Variants in ARHGEF7 observed in about 807,000 individuals in gnomAD.
ARHGEF7 encodes Rho guanine nucleotide exchange factor 7.
Under a neutral mutation model 109.8 loss-of-function variants are expected in ARHGEF7, and 33 were observed. The observed-to-expected ratio is 0.30, with a 90% CI of 0.23 to 0.40. ARHGEF7 has a LOEUF of 0.40. ARHGEF7 is among the 10% of genes least tolerant of loss of function. The probability of loss-of-function intolerance (pLI) is 1.00; values close to 1 mark genes in which losing one functional copy is unlikely to be tolerated. For synonymous variants in ARHGEF7, 458 were observed against 424.6 expected, an observed-to-expected ratio of 1.08 and a Z score of -0.97; for missense variants, 938 against 1,098.5, an observed-to-expected ratio of 0.85 and a Z score of 2.07.
At chr13:111,170,459 A>G (rs2077498476) in intron 2 of ARHGEF7, among the ~76,000 whole-genome samples, 2 of 152,056 alleles carry the variant, frequency 1.3e-5, no homozygotes, top group African/African-American at 2.4e-5. Context: ...TCTGTTGACC[A>G]TTTTCTTCCT....
intron 2 of ARHGEF7, among the ~76,000 whole-genome samples, chr13:111,165,663 T>C (rs1159993951): frequency 6.6e-6 from 1 of 152,212 alleles, no homozygotes; most frequent in Non-Finnish European, 1.5e-5. Context: ...CGACTCAGTA[T>C]AGCCAGGGTA....
chr13:111,190,458 C>T (rs999337998), intron 2 of ARHGEF7, among the ~76,000 whole-genome samples: 35 of 152,136 alleles, frequency 2.3e-4, no homozygotes, highest in African/African-American at 7.7e-4. Context: ...GTCTAGGCCT[C>T]GGTGGTTTTG....
At chr13:111,229,606 A>C (rs1223414222) in intron 5 of ARHGEF7, among the ~76,000 whole-genome samples, 1 of 152,140 alleles carries the variant, frequency 6.6e-6, no homozygotes, top group Admixed American at 6.5e-5. Context: ...TTTATATGCC[A>C]CATCCACTCA....
At chr13:111,163,904 A>G (rs2076933517) in intron 2 of ARHGEF7, among the ~76,000 whole-genome samples, 1 of 152,200 alleles carries the variant, frequency 6.6e-6, no homozygotes, top group South Asian at 2.1e-4. Context: ...CATGTAATTG[A>G]TACATATTAA....
chr13:111,159,035 T>G (rs1194096185), intron 2 of ARHGEF7: 4 of 718,436 alleles, frequency 5.6e-6, no homozygotes, highest in Admixed American at 4.0e-5. Context: ...AGCTCCTGTT[T>G]CCTCCTTCCC....
intron 14 of ARHGEF7, 64 bp from the exon 15 acceptor site, chr13:111,280,474 G>T: frequency 6.3e-7 from 1 of 1,579,582 alleles, no homozygotes; most frequent in Non-Finnish European, 8.6e-7. Context: ...ATTCTGGGGG[G>T]TGTGCACGCA....
At chr13:111,143,454 A>T (rs954873321) in intron 1 of ARHGEF7, 5 of 152,302 alleles carry the variant, frequency 3.3e-5, no homozygotes, top group African/African-American at 1.2e-4. Context: ...GAGAGGGAAC[A>T]TGCCAAAGGG....
intron 1 of ARHGEF7, among the ~76,000 whole-genome samples, chr13:111,141,774 G>A (rs566106479): frequency 2.6e-5 from 4 of 152,278 alleles, no homozygotes; most frequent in Admixed American, 6.5e-5. Context: ...GAAGAAAGTT[G>A]CTATAAACAA....
At chr13:111,183,210 G>A (rs898782692) in intron 2 of ARHGEF7, among the ~76,000 whole-genome samples, 5 of 152,148 alleles carry the variant, frequency 3.3e-5, no homozygotes, top group African/African-American at 9.7e-5. Flanking sequence ...CATTGTACTC[G>A]TGCTAGCAAG....
chr13:111,241,184 G>A, intron 6 of ARHGEF7: 1 of 1,536,022 alleles, frequency 6.5e-7, no homozygotes, highest in Non-Finnish European at 8.7e-7. Context: ...CTTCAGCACT[G>A]TGGGTCGTAA....
chr13:111,189,314 T>C (rs2079594525), intron 2 of ARHGEF7, among the ~76,000 whole-genome samples: 1 of 152,160 alleles, frequency 6.6e-6, no homozygotes. Flanking sequence ...AAAGATGGTG[T>C]GTCTGGAGTT....
rs1478761721 is a variant in ARHGEF7 at position 111,273,945 on chromosome 13, A to T, written c.1205A>T (p.His402Leu). 1 of 1,614,190 alleles carries T rather than the reference A, an allele frequency of 6.2e-7. No individual in the cohort carries two copies. The highest frequency in any genetic ancestry group is 8.5e-7 in the Non-Finnish European group (1 of 1,179,998). The change falls in exon 10 of 22, where the codon CAC (histidine) becomes CTC (leucine). Residue 402 changes from histidine to leucine, a missense_variant. His to Leu is a moderately conservative substitution (Grantham distance 99). This residue lies in a region of ARHGEF7 where 585 missense variants were observed against 723.6 expected (regional missense o/e 0.81). Coordinates refer to ENST00000646102, the MANE Select transcript of ARHGEF7 (RefSeq NM_001354046.2). The surrounding 1 kb of genome is among the most constrained non-coding windows in gnomAD (Gnocchi z 4.5). Reference protein sequence around the residue: ...YPTLLKELERHMEDYHTDRQD... With the variant: ...YPTLLKELERLMEDYHTDRQD... ...ACGCTGCTCAAAGAGCTCGAGAGACACATGGAGGTACTGCGCTTTCATTCT... is the reference window on the plus strand; with the variant it reads ...ACGCTGCTCAAAGAGCTCGAGAGACTCATGGAGGTACTGCGCTTTCATTCT...
intron 2 of ARHGEF7, among the ~76,000 whole-genome samples, chr13:111,157,399 G>A (rs1374153491): frequency 6.6e-6 from 1 of 151,682 alleles, no homozygotes; most frequent in East Asian, 1.9e-4. Flanking sequence ...GATGATGTTG[G>A]CTGGGTGCAG....
intron 8 of ARHGEF7, among the ~76,000 whole-genome samples, chr13:111,264,177 A>G (rs1432866505): frequency 6.6e-6 from 1 of 152,188 alleles, no homozygotes; most frequent in East Asian, 1.9e-4. Flanking sequence ...TGCATGACAC[A>G]TTCAGGATTT....
intron 2 of ARHGEF7, among the ~76,000 whole-genome samples, chr13:111,164,157 C>T (rs1181271474): frequency 6.6e-6 from 1 of 152,192 alleles, no homozygotes; most frequent in East Asian, 1.9e-4. Context: ...TTTCCTTGTA[C>T]TGTTTTGTTG....
At chr13:111,221,067 A>G (rs2153497131) in intron 5 of ARHGEF7, among the ~76,000 whole-genome samples, 1 of 145,938 alleles carries the variant, frequency 6.9e-6, no homozygotes, top group Non-Finnish European at 1.5e-5. Flanking sequence ...CTACATATAC[A>G]TATATACATA....
At position 111,188,905 on chromosome 13, in the gene ARHGEF7, T is replaced by C. The variant is rs557855558; in HGVS notation, c.253-16384T>C. ...GTTCTGTTGGGGAAATTATGAAATA[T>C]GGACATGTTACCACCTCCTGCTAGA... On this transcript the variant is annotated intron_variant, in intron 2 of 21. Transcript: ENST00000646102. Among the ~76,000 whole-genome samples, 3 of 152,376 alleles carry C rather than the reference T, an allele frequency of 2.0e-5. No individual in the cohort carries two copies. The South Asian group carries it at 6.2e-4, about 32-fold the overall frequency.
intron 2 of ARHGEF7, among the ~76,000 whole-genome samples, chr13:111,194,200 A>G (rs1238001433): frequency 1.3e-5 from 2 of 152,238 alleles, no homozygotes; most frequent in East Asian, 3.8e-4. Context: ...AAGGACTCCA[A>G]GAGCTATTCC....
At chr13:111,117,307 C>T (rs1174269450) in intron 1 of ARHGEF7, among the ~76,000 whole-genome samples, 21 of 152,132 alleles carry the variant, frequency 1.4e-4, no homozygotes, top group Non-Finnish European at 1.6e-4. Context: ...CCTAGAAAAC[C>T]GTAGCGTTCA....
Sources: allele counts gnomAD v4.1 joint callset (sites outside exome capture counted in the v4.1 genomes callset), GRCh38; gene constraint gnomAD v4.1.1; regional missense constraint gnomAD v4.1.1; non-coding constraint Gnocchi (gnomAD v3.1); transcripts MANE v1.5; gene names NCBI Gene and HGNC (gene_info 2026-07-23, HGNC 2026-07-21).